KCNC1: variants seen among roughly 807,000 people sequenced by gnomAD.
KCNC1 encodes potassium voltage-gated channel subfamily C member 1.
In KCNC1, 8 loss-of-function variants were observed where a neutral mutation model predicts 43.4. The ratio of observed to expected loss-of-function variants is 0.18; its 90% CI spans 0.11 to 0.33. The LOEUF (loss-of-function observed/expected upper bound fraction) is 0.33. KCNC1 is among the 10% of genes least tolerant of loss of function. The pLI is 1.00. For synonymous variants in KCNC1, 361 were observed against 360.5 expected (o/e 1.00, Z -0.01); for missense variants, 420 against 836.0 (o/e 0.50, Z 6.14).
rs1590106206 is a variant in KCNC1, at chr11:17,771,311, C to A, written c.571-354C>A. Among the ~76,000 whole-genome samples, 1 of 152,190 alleles carries A rather than the reference C, an allele frequency of 6.6e-6. No individual in the cohort carries two copies. The highest frequency in any genetic ancestry group is 2.1e-4 in the South Asian group (1 of 4,822). On this transcript the variant is annotated intron_variant, in intron 1 of 3. Transcript: ENST00000265969. The surrounding 1 kb of genome is among the most constrained non-coding windows in gnomAD (Gnocchi z 4.7). ...AGCTCCAAATCACAGTGACTGAACA[C>A]AATGGAAATTTATTTCCCACTCAGG...
Position 17,781,313 on chromosome 11 carries a change from G to T in KCNC1, c.1694-357G>T. ...GAGGCTTAGGTGCCAGAGTCTTTGG[G>T]AGGCGCTAAGGGTGAAGTGTCCCCA... On this transcript the variant is annotated intron_variant, in intron 3 of 3. Coordinates refer to ENST00000265969, the MANE Select transcript of KCNC1 (RefSeq NM_001112741.2). The surrounding 1 kb of genome is among the most constrained non-coding windows in gnomAD (Gnocchi z 5.1). 1 of 227,434 alleles carries T rather than the reference G, an allele frequency of 4.4e-6. No individual in the cohort carries two copies. The highest frequency in any genetic ancestry group is 8.6e-6 in the Non-Finnish European group (1 of 116,242). 14.1% of individuals were successfully genotyped at this position (227,434 alleles called of 1,614,324 possible). A position where few individuals can be genotyped will look rare whatever the true frequency, so the allele number is the denominator to read the frequency against.
intron 1 of KCNC1, among the ~76,000 whole-genome samples, chr11:17,765,327 A>C (rs1005705174): frequency 6.6e-6 from 1 of 152,250 alleles, no homozygotes; most frequent in African/African-American, 2.4e-5. Flanking sequence ...CAATTTTCTA[A>C]AGATGACTGT....
intron 1 of KCNC1, among the ~76,000 whole-genome samples, chr11:17,755,758 G>A (rs1849016245): frequency 6.6e-6 from 1 of 152,184 alleles, no homozygotes; most frequent in African/African-American, 2.4e-5. Flanking sequence ...GGAGATGCCA[G>A]GGAGTTGGAT....
At position 17,782,011 on chromosome 11, in the gene KCNC1, CAG is replaced by C; in HGVS notation, c.*279_*280del. On this transcript the variant is annotated 3_prime_UTR_variant, in exon 4 of 4. Coordinates refer to ENST00000265969, the MANE Select transcript of KCNC1 (RefSeq NM_001112741.2). The stretch of plus-strand genomic sequence containing the variant: ...TTAGCATGACTTGCATGAAGTTAAA[CAG>C]AAAACCCAGCAAACCAAACCCACCA... The C allele has an allele frequency of 2.5e-6, 1 of 400,792 alleles. No homozygotes were observed. Among genetic ancestry groups the C allele is most frequent in the Non-Finnish European group, 4.4e-6 (1 of 226,450 alleles). 24.8% of individuals were successfully genotyped at this position (400,792 alleles called of 1,614,324 possible). A position where few individuals can be genotyped will look rare whatever the true frequency, so the allele number is the denominator to read the frequency against.
chr11:17,774,530 G>A, intron 2 of KCNC1: 1 of 985,584 alleles, frequency 1.0e-6, no homozygotes, highest in Non-Finnish European at 1.2e-6. Flanking sequence ...TGCCCCCCAG[G>A]GAGTGCAGAT....
chr11:17,740,431 G>A (rs1848824614), intron 1 of KCNC1, among the ~76,000 whole-genome samples: 1 of 152,144 alleles, frequency 6.6e-6, no homozygotes, highest in Non-Finnish European at 1.5e-5. Context: ...AGTTAACCAG[G>A]TGGAGAGGGC....
chr11:17,778,502 T>G (rs1022554645), intron 2 of KCNC1, among the ~76,000 whole-genome samples: 1 of 152,254 alleles, frequency 6.6e-6, no homozygotes, highest in African/African-American at 2.4e-5. Flanking sequence ...CACAGCCTCA[T>G]GCATACATCC....
rs988713958 is a variant in KCNC1 at position 17,739,359 on chromosome 11, A to G, written c.570+2787A>G. On this transcript the variant is annotated intron_variant, in intron 1 of 3. Transcript: ENST00000265969. This position sits in a 1 kb window ranked among gnomAD's most constrained non-coding sequence, Gnocchi z 4.2. ...TGTGTGAGAATAAATGTGAGACTCC[A>G]GGCGTGTGTGTGTGTGTGTGTGTGT... Among the ~76,000 whole-genome samples, 17 of 124,988 alleles carry G rather than the reference A, an allele frequency of 1.4e-4. No homozygotes were observed. The highest frequency in any genetic ancestry group is 2.8e-4 in the African/African-American group (9 of 32,276). The allele number at this position is 124,988 out of a possible 152,430, so 82.0% of individuals were successfully genotyped here.
intron 1 of KCNC1, among the ~76,000 whole-genome samples, chr11:17,756,928 G>C (rs1849028956): frequency 6.6e-6 from 1 of 152,210 alleles, no homozygotes. Context: ...GAGTCAGAGA[G>C]ACCTGGTTTC....
At chr11:17,765,258 T>G (rs2133799859) in intron 1 of KCNC1, among the ~76,000 whole-genome samples, 1 of 152,318 alleles carries the variant, frequency 6.6e-6, no homozygotes, top group African/African-American at 2.4e-5. Flanking sequence ...AACGCCAGAC[T>G]GCATGAACAC....
intron 1 of KCNC1, among the ~76,000 whole-genome samples, chr11:17,745,482 GTTC>G (rs1243991934): frequency 6.6e-6 from 1 of 152,172 alleles, no homozygotes; most frequent in Non-Finnish European, 1.5e-5. Flanking sequence ...TCTTGCCTGA[GTTC>G]TTCTCTCAGC....
chr11:17,735,943 C>T lies in KCNC1; in HGVS notation c.-60C>T. ...GCGCCCCCCTCCCCGGCGCCAACTC[C>T]CCCTGGCGGCCGCTCCCATGGGTGT... On this transcript the variant is annotated 5_prime_UTR_variant, in exon 1 of 4. Coordinates refer to ENST00000265969, the MANE Select transcript of KCNC1 (RefSeq NM_001112741.2). The surrounding 1 kb of genome is among the most constrained non-coding windows in gnomAD (Gnocchi z 6.7). 1 of 1,381,218 alleles carries T rather than the reference C, an allele frequency of 7.2e-7. No homozygotes were observed. Among genetic ancestry groups the T allele is most frequent in the South Asian group, 1.7e-5 (1 of 60,026 alleles). The allele number at this position is 1,381,218 out of a possible 1,614,324, so 85.6% of individuals were successfully genotyped here.
intron 2 of KCNC1, chr11:17,775,698 G>A (rs750661235): frequency 2.7e-4 from 266 of 985,642 alleles, no homozygotes; most frequent in Non-Finnish European, 3.1e-4. Context: ...CCGCTCCTGT[G>A]ATGTGGGTCA....
chr11:17,779,376 C>T lies in KCNC1; in HGVS notation c.1505-80C>T. 8.2e-7 allele frequency: 1 copy of T among 1,216,420 alleles called. No individual in the cohort carries two copies. The highest frequency in any genetic ancestry group is 1.1e-6 in the Non-Finnish European group (1 of 906,630). The allele number at this position is 1,216,420 out of a possible 1,614,324, so 75.4% of individuals were successfully genotyped here. A position where few individuals can be genotyped will look rare whatever the true frequency, so the allele number is the denominator to read the frequency against. On this transcript the variant is annotated intron_variant, in intron 2 of 3. Coordinates refer to ENST00000265969, the MANE Select transcript of KCNC1 (RefSeq NM_001112741.2). The surrounding 1 kb of genome is among the most constrained non-coding windows in gnomAD (Gnocchi z 7.2). ...ACGCTCAAGCTGCCCTCTGCCAATA[C>T]CCCGCTTCTGGCCTGTCCCCCCCTG...
At chr11:17,759,324 T>A (rs1590100544) in intron 1 of KCNC1, among the ~76,000 whole-genome samples, 1 of 152,274 alleles carries the variant, frequency 6.6e-6, no homozygotes, top group African/African-American at 2.4e-5. Context: ...GTTGTGGCTG[T>A]GTTTCATCTT....
chr11:17,755,407 G>A (rs778541613), intron 1 of KCNC1, among the ~76,000 whole-genome samples: 8 of 152,106 alleles, frequency 5.3e-5, no homozygotes, highest in African/African-American at 9.7e-5. Flanking sequence ...CAGTCCTAGC[G>A]CACCAGGAAT....
chr11:17,772,643 GC>G (rs767128462), intron 2 of KCNC1, 45 bp downstream of exon 2: 1 of 1,590,928 alleles, frequency 6.3e-7, no homozygotes, highest in Non-Finnish European at 8.6e-7. Flanking sequence ...TTTCACCTCT[GC>G]CCCCTGTAGC....
chr11:17,747,837 GC>G (rs1848918101), intron 1 of KCNC1, among the ~76,000 whole-genome samples: 1 of 152,142 alleles, frequency 6.6e-6, no homozygotes, highest in Non-Finnish European at 1.5e-5. Flanking sequence ...TGGCCTGGCA[GC>G]CTGGCTCTGG....
intron 2 of KCNC1, chr11:17,775,281 T>TTCCAAC: frequency 1.1e-6 from 1 of 935,854 alleles, no homozygotes; most frequent in Non-Finnish European, 1.3e-6. Flanking sequence ...TCTGAGGGCA[T>TTCCAAC]CCCTCCCGCC....
Sources: gnomAD v4.1 joint callset for allele counts (sites outside exome capture counted in the v4.1 genomes callset) on GRCh38, gnomAD v4.1.1 for gene constraint, Gnocchi (gnomAD v3.1) non-coding constraint, MANE v1.5 for transcripts, NCBI Gene and HGNC (gene_info 2026-07-23, HGNC 2026-07-21) for gene names.